TFEC: variants seen among roughly 807,000 people sequenced by gnomAD.
The protein encoded by TFEC is transcription factor EC.
Under a neutral mutation model 41.6 loss-of-function variants are expected in TFEC, and 31 were observed. The observed-to-expected ratio is 0.74, with a 90% CI of 0.56 to 1.01. The LOEUF (loss-of-function observed/expected upper bound fraction) is 1.01. Ranked by LOEUF, TFEC falls within the 50% of genes least tolerant of loss-of-function variation. TFEC has a pLI of 0.00. For synonymous variants in TFEC, 143 were observed against 140.6 expected, an observed-to-expected ratio of 1.02 and a Z score of -0.12; for missense variants, 402 against 404.1, an observed-to-expected ratio of 0.99 and a Z score of 0.04.
intron 1 of TFEC, among the ~76,000 whole-genome samples, chr7:116,000,609 C>T (rs1014315283): frequency 2.0e-5 from 3 of 152,070 alleles, no homozygotes; most frequent in Non-Finnish European, 4.4e-5. Context: ...GATACAGAAT[C>T]AACATACAAA....
chr7:116,118,784 G>T (rs1326613972), intron 1 of TFEC, among the ~76,000 whole-genome samples: 3 of 151,850 alleles, frequency 2.0e-5, no homozygotes, highest in Non-Finnish European at 4.4e-5. Flanking sequence ...ATGGCTATAA[G>T]CGCTGGGAGG....
At chr7:115,975,106 A>T (rs1427200514) in intron 2 of TFEC, among the ~76,000 whole-genome samples, 1 of 152,036 alleles carries the variant, frequency 6.6e-6, no homozygotes, top group African/African-American at 2.4e-5. Flanking sequence ...TCCAAATCTT[A>T]TTGGCTTTCT....
chr7:116,041,545 T>C (rs1796037128), intron 3 of TFEC, among the ~76,000 whole-genome samples: 2 of 152,138 alleles, frequency 1.3e-5, no homozygotes, highest in Admixed American at 1.3e-4. Flanking sequence ...AATTTCAATT[T>C]GAAACAAGAG....
At chr7:115,974,724 T>C (rs1793304855) in intron 2 of TFEC, among the ~76,000 whole-genome samples, 1 of 151,732 alleles carries the variant, frequency 6.6e-6, no homozygotes, top group Admixed American at 6.6e-5. Context: ...CATGTGGATA[T>C]CTAAATATTC....
chr7:115,955,902 T>G (rs1029018014), intron 4 of TFEC, among the ~76,000 whole-genome samples: 1 of 152,030 alleles, frequency 6.6e-6, no homozygotes, highest in Non-Finnish European at 1.5e-5. Flanking sequence ...TCATGTTGTA[T>G]TTATTTAAAA....
At chr7:116,074,096 T>A (rs1796895970) in intron 3 of TFEC, among the ~76,000 whole-genome samples, 1 of 151,782 alleles carries the variant, frequency 6.6e-6, no homozygotes, top group Non-Finnish European at 1.5e-5. Context: ...AATCATAAGA[T>A]CTAAAACTAT....
rs1793186610 is a variant in TFEC at position 115,935,524 on chromosome 7, C to T, written c.*5027G>A. 6.6e-6 allele frequency: 1 copy of T among 151,914 alleles called. No homozygotes were observed. Among genetic ancestry groups the T allele is most frequent in the Non-Finnish European group, 1.5e-5 (1 of 67,642 alleles). 9.4% of individuals were successfully genotyped at this position (151,914 alleles called of 1,614,324 possible). A position where few individuals can be genotyped will look rare whatever the true frequency, so the allele number is the denominator to read the frequency against. On this transcript the variant is annotated 3_prime_UTR_variant, in exon 8 of 8. Transcript: ENST00000265440. ...AACTGCTATGCTGTTAGATAAGATT[C>T]TTGAATTTCGTTTGCTTTTAAAATT... is the stretch of plus-strand genomic sequence containing the variant.
chr7:115,974,323 A>G lies in TFEC; in HGVS notation c.181-67T>C, dbSNP rs1041987197. The G allele has an allele frequency of 3.2e-6, 4 of 1,257,374 alleles. No homozygotes were observed. The African/African-American group carries it at 6.3e-5, about 20-fold the overall frequency. 77.9% of individuals were successfully genotyped at this position (1,257,374 alleles called of 1,614,324 possible). On this transcript the variant is annotated intron_variant, in intron 2 of 7. Transcript: ENST00000265440. Reference sequence around the variant, plus strand: ...AAAAGTTGTGCTTCAGTCTGAAAACAGAGAGAAAAATTCTAGCAATCTTTA... The same window carrying G: ...AAAAGTTGTGCTTCAGTCTGAAAACGGAGAGAAAAATTCTAGCAATCTTTA...
chr7:116,085,870 A>G lies in TFEC; in HGVS notation c.198+24838T>C, dbSNP rs189711442. 5.7e-4 allele frequency among the ~76,000 whole-genome samples: 87 copies of G among 152,004 alleles called. 1 individual carries two copies. The highest frequency in any genetic ancestry group is 1.4e-3 in the Admixed American group (21 of 15,198). ...TTTTGATAAAGCTAACACAAAAATA[A>G]CCAACCATGATTCCAAAGTTATTAA... On this transcript the variant is annotated intron_variant, in intron 3 of 8. Coordinates refer to the TFEC transcript ENST00000484212.
At position 115,937,061 on chromosome 7, in the gene TFEC, A is replaced by G. The variant is rs1430935215; in HGVS notation, c.*3490T>C. Reference sequence around the variant, plus strand: ...CTCACAGGAGGTCATCATTATTTTAAGACAATTGGAAGTTGGAAAGGGCTG... The same window carrying G: ...CTCACAGGAGGTCATCATTATTTTAGGACAATTGGAAGTTGGAAAGGGCTG... On this transcript the variant is annotated 3_prime_UTR_variant, in exon 8 of 8. Transcript: ENST00000265440. 2.6e-5 allele frequency: 4 copies of G among 151,654 alleles called. No homozygotes were observed. The highest frequency in any genetic ancestry group is 5.9e-5 in the Non-Finnish European group (4 of 67,690). 9.4% of individuals were successfully genotyped at this position (151,654 alleles called of 1,614,324 possible). A position where few individuals can be genotyped will look rare whatever the true frequency, so the allele number is the denominator to read the frequency against.
At chr7:116,133,241 T>A (rs1049784626) in intron 1 of TFEC, among the ~76,000 whole-genome samples, 4 of 123,070 alleles carry the variant, frequency 3.3e-5, no homozygotes, top group Admixed American at 3.2e-4. Flanking sequence ...CAAACGAAAA[T>A]AATTCTTTCC....
intron 1 of TFEC, among the ~76,000 whole-genome samples, chr7:116,136,251 T>C (rs879353911): frequency 6.6e-6 from 1 of 152,052 alleles, no homozygotes; most frequent in Admixed American, 6.6e-5. Context: ...TATTATGAAC[T>C]CTATTAATGA....
chr7:115,986,211 A>G (rs761892138), intron 1 of TFEC, among the ~76,000 whole-genome samples: 2 of 152,110 alleles, frequency 1.3e-5, no homozygotes, highest in Non-Finnish European at 2.9e-5. Context: ...AACAACAACA[A>G]TGATAATAAT....
At chr7:115,962,894 G>A (rs546539289) in intron 3 of TFEC, among the ~76,000 whole-genome samples, 9 of 151,860 alleles carry the variant, frequency 5.9e-5, no homozygotes, top group African/African-American at 9.7e-5. Flanking sequence ...GGGTACATAT[G>A]CACAACGTGC....
At chr7:116,065,574 T>C (rs1796675999) in intron 3 of TFEC, among the ~76,000 whole-genome samples, 1 of 152,122 alleles carries the variant, frequency 6.6e-6, no homozygotes, top group Non-Finnish European at 1.5e-5. Flanking sequence ...CCAAAAAGTA[T>C]GGTTCAACTG....
exon 3 of TFEC, chr7:116,110,861 T>C (rs1797838851): frequency 6.5e-7 from 1 of 1,544,012 alleles, no homozygotes. Flanking sequence ...TTTCTCCTAA[T>C]TGTTCTTTCA....
intron 1 of TFEC, among the ~76,000 whole-genome samples, chr7:116,150,660 C>A (rs1332619792): frequency 6.6e-6 from 1 of 152,024 alleles, no homozygotes; most frequent in East Asian, 1.9e-4. Flanking sequence ...AAAATGCTTG[C>A]ATTTTTATTG....
chr7:115,956,836 T>C, intron 3 of TFEC, 43 bp from the exon 4 acceptor site: 1 of 1,265,594 alleles, frequency 7.9e-7, no homozygotes, highest in Non-Finnish European at 1.1e-6. Flanking sequence ...AAACCTTCTG[T>C]GCAAATTGAT....
At chr7:116,049,459 A>G (rs540188674) in intron 3 of TFEC, among the ~76,000 whole-genome samples, 58 of 152,304 alleles carry the variant, frequency 3.8e-4, no homozygotes, top group African/African-American at 1.3e-3. Context: ...ACCCAATACA[A>G]GAGCACCCAG....
Sources: allele counts gnomAD v4.1 joint callset (sites outside exome capture counted in the v4.1 genomes callset), GRCh38; gene constraint gnomAD v4.1.1; transcripts MANE v1.5; gene names NCBI Gene and HGNC (gene_info 2026-07-23, HGNC 2026-07-21).